The following CCSER1 variants were observed in gnomAD, a reference collection of about 807,000 sequenced individuals.
CCSER1 encodes the protein serine-rich coiled-coil domain-containing protein 1.
A neutral mutation model predicts 82.0 loss-of-function variants in CCSER1; 41 were observed. The observed-to-expected ratio is 0.50, with a 90% CI of 0.39 to 0.65. CCSER1 has a LOEUF of 0.65. Ranked by LOEUF, CCSER1 falls within the 30% of genes least tolerant of loss-of-function variation. The probability of loss-of-function intolerance (pLI) is 0.00; values close to 1 mark genes in which losing one functional copy is unlikely to be tolerated. For synonymous variants in CCSER1, 414 were observed against 383.9 expected (o/e 1.08, Z -0.92); for missense variants, 1,119 against 1,064.2 (o/e 1.05, Z -0.72).
At chr4:91,511,011 G>A (rs533196150) in intron 10 of CCSER1, among the ~76,000 whole-genome samples, 2 of 152,196 alleles carry the variant, frequency 1.3e-5, no homozygotes, top group Admixed American at 6.5e-5. Flanking sequence ...TGTATATGGC[G>A]ATAAAAAAGG....
chr4:90,796,196 C>A (rs1755990319), intron 7 of CCSER1, among the ~76,000 whole-genome samples: 1 of 151,570 alleles, frequency 6.6e-6, no homozygotes, highest in Admixed American at 6.6e-5. Context: ...TCAGGGATAC[C>A]ATTTCTTCCC....
At chr4:90,458,759 A>G (rs79808352) in intron 4 of CCSER1, among the ~76,000 whole-genome samples, 2,244 of 152,350 alleles carry the variant, frequency 0.015, 34 homozygotes, top group African/African-American at 0.044. Flanking sequence ...AGCAGACTAC[A>G]GATGATGATG....
chr4:90,293,160 TAC>T (rs1366717467), intron 1 of CCSER1, among the ~76,000 whole-genome samples: 1 of 151,720 alleles, frequency 6.6e-6, no homozygotes, highest in Non-Finnish European at 1.5e-5. Context: ...TACAAAGCAG[TAC>T]AGTTTTATTT....
At chr4:91,310,342 T>C (rs1470041670) in intron 10 of CCSER1, among the ~76,000 whole-genome samples, 2 of 151,336 alleles carry the variant, frequency 1.3e-5, no homozygotes, top group Admixed American at 1.3e-4. Context: ...AAGAATTGTC[T>C]TGGGCCAAAC....
chr4:90,293,921 A>G (rs1485085549), intron 1 of CCSER1, among the ~76,000 whole-genome samples: 1 of 152,016 alleles, frequency 6.6e-6, no homozygotes, highest in Non-Finnish European at 1.5e-5. Flanking sequence ...TTTATTAACC[A>G]ACATACAAAA....
At chr4:90,798,348 A>G (rs1013707699) in intron 7 of CCSER1, among the ~76,000 whole-genome samples, 1 of 151,850 alleles carries the variant, frequency 6.6e-6, no homozygotes, top group African/African-American at 2.4e-5. Context: ...TATTTTCTAT[A>G]TTGGCTATTT....
intron 10 of CCSER1, among the ~76,000 whole-genome samples, chr4:91,498,884 C>T (rs921804758): frequency 6.6e-6 from 1 of 151,862 alleles, no homozygotes; most frequent in Non-Finnish European, 1.5e-5. Context: ...TACAGTTATA[C>T]ATTTCATATT....
intron 7 of CCSER1, among the ~76,000 whole-genome samples, chr4:90,764,683 T>A (rs568901857): frequency 6.6e-6 from 1 of 152,260 alleles, no homozygotes; most frequent in East Asian, 1.9e-4. Context: ...CTCAGGCAAT[T>A]ATAAGATATA....
intron 4 of CCSER1, among the ~76,000 whole-genome samples, chr4:90,429,729 TA>T (rs1307493185): frequency 9.9e-5 from 15 of 151,772 alleles, no homozygotes; most frequent in Admixed American, 9.9e-4. Flanking sequence ...ATTCTGACCA[TA>T]AAAATCAACA....
At chr4:91,224,127 T>G (rs957092296) in intron 10 of CCSER1, among the ~76,000 whole-genome samples, 2 of 151,756 alleles carry the variant, frequency 1.3e-5, no homozygotes, top group African/African-American at 4.8e-5. Context: ...CTCCCGCGCT[T>G]AATGTGAGAG....
intron 10 of CCSER1, among the ~76,000 whole-genome samples, chr4:91,332,407 C>T (rs1452571452): frequency 1.3e-5 from 2 of 151,642 alleles, no homozygotes; most frequent in Non-Finnish European, 2.9e-5. Flanking sequence ...AATAAATTAA[C>T]TTAAGTCCCT....
intron 6 of CCSER1, among the ~76,000 whole-genome samples, chr4:90,719,441 G>A (rs1394007287): frequency 1.4e-4 from 22 of 152,084 alleles, no homozygotes; most frequent in African/African-American, 5.3e-4. Context: ...CACAATAAAT[G>A]TACTTGAATC....
At chr4:90,853,752 T>G (rs1652411799) in intron 8 of CCSER1, among the ~76,000 whole-genome samples, 2 of 152,190 alleles carry the variant, frequency 1.3e-5, no homozygotes, top group African/African-American at 4.8e-5. Context: ...TTCTGATCTC[T>G]TGTGTTTTAT....
At chr4:90,635,013 T>G (rs536784194) in intron 6 of CCSER1, among the ~76,000 whole-genome samples, 2,076 of 151,864 alleles carry the variant, frequency 0.014, 53 homozygotes, top group African/African-American at 0.048. Context: ...GTCAGTTCTT[T>G]AGGAAGACAC....
chr4:91,441,294 T>A (rs1365481149), intron 10 of CCSER1, among the ~76,000 whole-genome samples: 38 of 152,234 alleles, frequency 2.5e-4, no homozygotes, highest in Non-Finnish European at 4.4e-4. Context: ...GCTTCATCCC[T>A]GGGATGCAAG....
At chr4:90,358,912 A>G (rs1744812976) in intron 3 of CCSER1, among the ~76,000 whole-genome samples, 1 of 152,212 alleles carries the variant, frequency 6.6e-6, no homozygotes, top group South Asian at 2.1e-4. Context: ...GCCAGGAATT[A>G]TAAATGATCA....
intron 1 of CCSER1, among the ~76,000 whole-genome samples, chr4:90,215,941 T>C (rs1740919931): frequency 6.6e-6 from 1 of 152,052 alleles, no homozygotes; most frequent in Admixed American, 6.6e-5. Context: ...GAGTTTGTAG[T>C]GTGTGTGAAT....
rs567154431 is a variant in CCSER1 at position 91,420,516 on chromosome 4, C to T, written c.2218-178056C>T. ...TATTACTTCACGTCTCTTAGAATGG[C>T]TTTTGTTAAAAAAACAGGAGATAAC... On this transcript the variant is annotated intron_variant, in intron 10 of 10. Coordinates refer to ENST00000509176, the MANE Select transcript of CCSER1 (RefSeq NM_001145065.2). Among the ~76,000 whole-genome samples, 16 of 152,112 alleles carry T rather than the reference C, an allele frequency of 1.1e-4. No homozygotes were observed. The East Asian group carries it at 2.9e-3, about 28-fold the overall frequency.
At chr4:91,304,033 A>G (rs1744867158) in intron 10 of CCSER1, among the ~76,000 whole-genome samples, 1 of 151,974 alleles carries the variant, frequency 6.6e-6, no homozygotes, top group African/African-American at 2.4e-5. Flanking sequence ...CCTTATAAAT[A>G]TTGTGGTAGC....
Sources: gnomAD v4.1 joint callset for allele counts (sites outside exome capture counted in the v4.1 genomes callset) on GRCh38, gnomAD v4.1.1 for gene constraint, MANE v1.5 for transcripts, NCBI Gene and HGNC (gene_info 2026-07-23, HGNC 2026-07-21) for gene names.